The following RMP64 variants were observed in gnomAD, a reference collection of about 807,000 sequenced individuals.
RMP64 encodes nucleolus and neural progenitor protein.
the RMP64 span, chr3:113,013,451 G>GT: frequency 1.5e-3 from 1,947 of 1,257,106 alleles, no homozygotes; most frequent in Non-Finnish European, 1.7e-3. Flanking sequence ...AAAAAAAAGG[G>GT]TTTTTTTTTT....
chr3:113,008,562 G>GGAT, the RMP64 span: 1 of 715,408 alleles, frequency 1.4e-6, no homozygotes, highest in Non-Finnish European at 2.3e-6. Flanking sequence ...TTGAAGTGAT[G>GGAT]GATACCCCAT....
At chr3:113,013,872 C>A in the RMP64 span, 1 of 1,001,982 alleles carries the variant, frequency 1.0e-6, no homozygotes, top group Non-Finnish European at 1.6e-6. Context: ...CAACAGCAAG[C>A]ATAGAGAAAT....
chr3:113,006,041 G>T, the RMP64 span: 1 of 1,428,326 alleles, frequency 7.0e-7, no homozygotes, highest in Non-Finnish European at 9.6e-7. Flanking sequence ...CTGGGCTTAA[G>T]ATGAGAAAAA....
chr3:113,008,152 AT>A, the RMP64 span: 3 of 1,600,572 alleles, frequency 1.9e-6, no homozygotes, highest in South Asian at 1.1e-5. Context: ...AAGTAACATA[AT>A]TTTTGCAATA....
chr3:113,005,741 TAGAG>T, the RMP64 span: 1 of 1,613,872 alleles, frequency 6.2e-7, no homozygotes, highest in Admixed American at 1.7e-5. Flanking sequence ...ACTGTTAGGG[TAGAG>T]ATCAGTTCTA....
the RMP64 span, chr3:113,005,220 A>G: frequency 3.0e-6 from 1 of 330,634 alleles, no homozygotes; most frequent in South Asian, 3.7e-5. Flanking sequence ...TTGCCTAGTA[A>G]GTCATAAAAT....
At chr3:113,006,965 A>G in the RMP64 span, among the ~76,000 whole-genome samples, 1 of 152,226 alleles carries the variant, frequency 6.6e-6, no homozygotes, top group African/African-American at 2.4e-5. Context: ...TATATTAATG[A>G]AACAGCAAAA....
the RMP64 span, chr3:113,010,527 G>A: frequency 2.6e-6 from 2 of 766,002 alleles, no homozygotes; most frequent in East Asian, 2.6e-5. Flanking sequence ...CAACTAAGAA[G>A]GCACTAAGCT....
the RMP64 span, among the ~76,000 whole-genome samples, chr3:113,018,565 C>T: frequency 1.6e-4 from 25 of 152,136 alleles, no homozygotes; most frequent in Admixed American, 1.6e-3. Context: ...AGGCTTTTTG[C>T]AGCTTAAAGC....
chr3:113,017,284 A>G, the RMP64 span, among the ~76,000 whole-genome samples: 1 of 151,848 alleles, frequency 6.6e-6, no homozygotes, highest in East Asian at 1.9e-4. Flanking sequence ...TGCTTTTAGG[A>G]AAAAAAAAGA....
the RMP64 span, chr3:113,012,603 A>T: frequency 1.8e-6 from 1 of 548,430 alleles, no homozygotes; most frequent in East Asian, 2.9e-5. Context: ...AAAAACTCTG[A>T]TCAAACCAAG....
At chr3:113,013,536 G>A in the RMP64 span, 1 of 767,586 alleles carries the variant, frequency 1.3e-6, no homozygotes, top group Non-Finnish European at 2.1e-6. Context: ...GATGCATAGG[G>A]CAAGGTATGG....
the RMP64 span, chr3:113,004,009 A>G: frequency 4.6e-5 from 7 of 152,196 alleles, no homozygotes; most frequent in African/African-American, 1.7e-4. Flanking sequence ...TTTACCTTCT[A>G]TTTCCCAATA....
the RMP64 span, among the ~76,000 whole-genome samples, chr3:113,010,857 TAAAC>T: frequency 3.9e-5 from 6 of 152,134 alleles, no homozygotes; most frequent in Non-Finnish European, 8.8e-5. Context: ...CAGAAACAAA[TAAAC>T]AACTTAAAGT....
At chr3:113,005,320 C>T in the RMP64 span, 17 of 550,670 alleles carry the variant, frequency 3.1e-5, no homozygotes, top group South Asian at 2.6e-4. Context: ...CATATTAACA[C>T]CTGACATGTA....
chr3:113,011,205 T>A, the RMP64 span: 9 of 1,613,294 alleles, frequency 5.6e-6, no homozygotes, highest in African/African-American at 1.3e-5. Context: ...GCAATTTATT[T>A]ATTCCTTTAG....
chr3:113,014,762 T>C, the RMP64 span: 1 of 152,240 alleles, frequency 6.6e-6, no homozygotes, highest in Non-Finnish European at 1.5e-5. Flanking sequence ...CGATTGGCTT[T>C]AATCACTGAA....
At chr3:113,011,064 C>A in the RMP64 span, 2 of 1,600,756 alleles carry the variant, frequency 1.2e-6, no homozygotes, top group Non-Finnish European at 8.5e-7. Flanking sequence ...CTCTCTTATT[C>A]TTTACTGGCT....
chr3:113,019,637 G>C, the RMP64 span: 1 of 1,612,902 alleles, frequency 6.2e-7, no homozygotes, highest in East Asian at 2.2e-5. Context: ...CGGCGGCACC[G>C]CAGCCATCAT....
Sources: allele counts gnomAD v4.1 joint callset (sites outside exome capture counted in the v4.1 genomes callset), GRCh38; gene constraint gnomAD v4.1.1; transcripts MANE v1.5; gene names NCBI Gene and HGNC (gene_info 2026-07-23, HGNC 2026-07-21).